LEPR: variants seen among roughly 807,000 people sequenced by gnomAD.
LEPR encodes leptin receptor, also known as OB receptor.
LEPR carries 56 observed loss-of-function variants against 114.7 expected under a neutral mutation model. The ratio of observed to expected loss-of-function variants is 0.49; its 90% CI spans 0.39 to 0.61. The LOEUF (loss-of-function observed/expected upper bound fraction) is 0.61. Among genes scored for constraint, LEPR ranks in the 20% least tolerant of loss-of-function variants. The probability of loss-of-function intolerance (pLI) is 0.00; values close to 1 mark genes in which losing one functional copy is unlikely to be tolerated. For synonymous variants in LEPR, 443 were observed against 461.4 expected (o/e 0.96, Z 0.51); for missense variants, 1,202 against 1,352.9 (o/e 0.89, Z 1.75).
Position 65,566,201 on chromosome 1 carries a change from CTTTT to C in LEPR, c.40+613_40+616del, listed in dbSNP as rs35617332. On this transcript the variant is annotated intron_variant, in intron 3 of 19. Coordinates refer to ENST00000349533, the MANE Select transcript of LEPR (RefSeq NM_002303.6). Reference sequence around the variant, plus strand: ...GGAAAAATATTTCTGTAGATTAATTCTTTTTTTTTTTTTTTTTTTTGAGACGCAG... The same window carrying C: ...GGAAAAATATTTCTGTAGATTAATTCTTTTTTTTTTTTTTTTGAGACGCAG... Among the ~76,000 whole-genome samples the C allele has an allele frequency of 5.3e-5, 6 of 113,542 alleles. No individual in the cohort carries two copies. In the East Asian group the frequency reaches 1.6e-3, roughly 30 times the overall value. The allele number at this position is 113,542 out of a possible 152,430, so 74.5% of individuals were successfully genotyped here.
At chr1:65,614,774 AT>A (rs1435763640) in intron 14 of LEPR, among the ~76,000 whole-genome samples, 1 of 152,134 alleles carries the variant, frequency 6.6e-6, no homozygotes, top group Non-Finnish European at 1.5e-5. Flanking sequence ...ATACATGTAC[AT>A]TTTCTTGATT....
rs1656233347 is a variant in LEPR, at chr1:65,598,517, G to A, written c.850-143G>A. The A allele has an allele frequency of 4.0e-6, 5 of 1,246,890 alleles. No homozygotes were observed. The African/African-American group carries it at 7.6e-5, about 19-fold the overall frequency. 77.2% of individuals were successfully genotyped at this position (1,246,890 alleles called of 1,614,324 possible). On this transcript the variant is annotated intron_variant, in intron 7 of 19. Transcript: ENST00000349533. The stretch of plus-strand genomic sequence containing the variant: ...GCAAACTTTTTTTTTGGTTATTGAT[G>A]TTTGTTTTAATTCCGCTGTGGCCAG...
intron 2 of LEPR, among the ~76,000 whole-genome samples, chr1:65,502,480 T>A (rs900426276): frequency 6.6e-6 from 1 of 152,078 alleles, no homozygotes; most frequent in African/African-American, 2.4e-5. Context: ...AATTTTTAGT[T>A]ACTGATTTAG....
chr1:65,634,644 A>G (rs1249654061), intron 19 of LEPR: 6 of 977,166 alleles, frequency 6.1e-6, no homozygotes, highest in Non-Finnish European at 7.3e-6. Context: ...TTTTAGCATG[A>G]AATATATCAA....
At chr1:65,533,872 A>G (rs1650574230) in intron 2 of LEPR, among the ~76,000 whole-genome samples, 1 of 152,076 alleles carries the variant, frequency 6.6e-6, no homozygotes, top group South Asian at 2.1e-4. Context: ...ATATAACTCC[A>G]CCAGCTTTCT....
chr1:65,620,137 T>C (rs2101005146), intron 17 of LEPR, 114 bp downstream of exon 17: 1 of 828,176 alleles, frequency 1.2e-6, no homozygotes, highest in Middle Eastern at 2.9e-4. Context: ...GAGTCCAAAG[T>C]CTTCTGTAGA....
At chr1:65,430,065 ATTG>A in intron 2 of LEPR, 2 of 1,541,444 alleles carry the variant, frequency 1.3e-6, no homozygotes, top group Non-Finnish European at 1.8e-6. Flanking sequence ...TTTATTTTCT[ATTG>A]TTTTGCCCAA....
chr1:65,429,359 A>C (rs566655394), intron 2 of LEPR, among the ~76,000 whole-genome samples: 17 of 152,312 alleles, frequency 1.1e-4, no homozygotes, highest in Admixed American at 3.9e-4. Context: ...CTACAGATTA[A>C]GCAAATGAAG....
At chr1:65,433,523 AAC>A in intron 2 of LEPR, 1 of 985,440 alleles carries the variant, frequency 1.0e-6, no homozygotes, top group Non-Finnish European at 1.2e-6. Flanking sequence ...ATACATTCAA[AAC>A]ACTTAATCCT....
chr1:65,573,277 G>C (rs570276321), intron 5 of LEPR, among the ~76,000 whole-genome samples: 25 of 152,300 alleles, frequency 1.6e-4, no homozygotes, highest in African/African-American at 5.5e-4. Flanking sequence ...ATTCTTGACC[G>C]AAGCACATCC....
intron 1 of LEPR, among the ~76,000 whole-genome samples, chr1:65,423,252 G>A (rs1458009943): frequency 6.6e-6 from 1 of 152,120 alleles, no homozygotes; most frequent in Non-Finnish European, 1.5e-5. Context: ...TGTGGTAGTA[G>A]GAGCTTTGGG....
chr1:65,422,984 A>G (rs1646282644), intron 1 of LEPR, among the ~76,000 whole-genome samples: 1 of 152,210 alleles, frequency 6.6e-6, no homozygotes, highest in African/African-American at 2.4e-5. Context: ...GCTGTAGCAG[A>G]GAGTTTAAGA....
rs1456609537 is a variant in LEPR, at chr1:65,435,207, C to T, written c.-21+9829C>T. ...TTGTTTCTTTTCTTCCACTTAAGAA[C>T]TCATAGATTTTTCTTACTGTCCTAA... is the stretch of plus-strand genomic sequence containing the variant. On this transcript the variant is annotated intron_variant, in intron 2 of 19. Transcript: ENST00000349533. 3 of 985,230 alleles carry T rather than the reference C, an allele frequency of 3.0e-6. No individual in the cohort carries two copies. The Admixed American group carries it at 1.8e-4, about 61-fold the overall frequency. The allele number at this position is 985,230 out of a possible 1,614,324, so 61.0% of individuals were successfully genotyped here. A position where few individuals can be genotyped will look rare whatever the true frequency, so the allele number is the denominator to read the frequency against.
At chr1:65,530,125 C>T (rs150195314) in intron 2 of LEPR, among the ~76,000 whole-genome samples, 68 of 152,332 alleles carry the variant, frequency 4.5e-4, no homozygotes, top group Middle Eastern at 3.4e-3. Context: ...ATGGAATCTT[C>T]ATCTTTCCCA....
Position 65,618,333 on chromosome 1 carries a change from T to TCTTCTCTTCTCTTC in LEPR, c.2395+187_2395+188insCTTCTCTTCTCTTC, listed in dbSNP as rs572203772. 4.0e-4 allele frequency among the ~76,000 whole-genome samples: 52 copies of TCTTCTCTTCTCTTC among 129,194 alleles called. No homozygotes were observed. The East Asian group carries it at 8.7e-3, about 22-fold the overall frequency. The allele number at this position is 129,194 out of a possible 152,430, so 84.8% of individuals were successfully genotyped here. On this transcript the variant is annotated intron_variant, in intron 16 of 19. Coordinates refer to ENST00000349533, the MANE Select transcript of LEPR (RefSeq NM_002303.6). Reference sequence around the variant, plus strand: ...TCTTCCTCTTCTCTTCTCTTCTCTTTTCTTTTCTTTTCGGCAGGGTCTCTC... The same window carrying TCTTCTCTTCTCTTC: ...TCTTCCTCTTCTCTTCTCTTCTCTTTCTTCTCTTCTCTTCTCTTTTCTTTTCGGCAGGGTCTCTC...
At position 65,637,116 on chromosome 1, in the gene LEPR, T is replaced by C. The variant is rs1357689205; in HGVS notation, c.*101T>C. The C allele has an allele frequency of 1.1e-5, 14 of 1,268,772 alleles. No individual in the cohort carries two copies. Among genetic ancestry groups the C allele is most frequent in the Non-Finnish European group, 1.5e-5 (14 of 914,822 alleles). The allele number at this position is 1,268,772 out of a possible 1,614,324, so 78.6% of individuals were successfully genotyped here. On this transcript the variant is annotated 3_prime_UTR_variant, in exon 20 of 20. Transcript: ENST00000349533. The stretch of plus-strand genomic sequence containing the variant: ...GAGAGAAAAGAAACCAGAGTCAAAT[T>C]TGAAAATAATTGTTCCAAATGAATG...
intron 2 of LEPR, among the ~76,000 whole-genome samples, chr1:65,538,456 T>G (rs1650934134): frequency 1.3e-5 from 2 of 152,142 alleles, no homozygotes; most frequent in African/African-American, 2.4e-5. Context: ...TTTTTGTCGT[T>G]TTTGGTTTTC....
chr1:65,459,134 T>G (rs978360043), intron 2 of LEPR, among the ~76,000 whole-genome samples: 3 of 152,214 alleles, frequency 2.0e-5, no homozygotes, highest in Non-Finnish European at 4.4e-5. Flanking sequence ...TTTTTTTTGT[T>G]GTTCAGTTTC....
intron 2 of LEPR, among the ~76,000 whole-genome samples, chr1:65,473,021 G>T (rs1172242902): frequency 6.6e-6 from 1 of 152,230 alleles, no homozygotes; most frequent in African/African-American, 2.4e-5. Flanking sequence ...TCACAAGGCA[G>T]CCAATTATCT....
Sources: allele counts gnomAD v4.1 joint callset (sites outside exome capture counted in the v4.1 genomes callset), GRCh38; gene constraint gnomAD v4.1.1; transcripts MANE v1.5; gene names NCBI Gene and HGNC (gene_info 2026-07-23, HGNC 2026-07-21).